The following ADARB2 variants were observed in gnomAD, a reference collection of about 807,000 sequenced individuals.
ADARB2 encodes adenosine deaminase RNA specific B2 (inactive), also known as inactive double-stranded RNA-specific editase B2.
Under a neutral mutation model 62.2 loss-of-function variants are expected in ADARB2, and 25 were observed. That is an observed-to-expected ratio of 0.40 (90% CI 0.29 to 0.56). The LOEUF is 0.56. ADARB2 is among the 20% of genes least tolerant of loss of function. The pLI is 0.43. For missense variants in ADARB2, 1,071 were observed against 1,077.4 expected, an observed-to-expected ratio of 0.99 and a Z score of 0.08; for synonymous variants, 572 against 500.8, an observed-to-expected ratio of 1.14 and a Z score of -1.90.
In ADARB2 at chr10:1,687,028, C is replaced by A. The variant is rs1340424460; in HGVS notation, c.100+50023G>T. 1.7e-4 allele frequency among the ~76,000 whole-genome samples: 22 copies of A among 129,228 alleles called. No individual in the cohort carries two copies. In the Admixed American group the frequency reaches 1.7e-3, roughly 10 times the overall value. 84.8% of individuals were successfully genotyped at this position (129,228 alleles called of 152,430 possible). A position where few individuals can be genotyped will look rare whatever the true frequency, so the allele number is the denominator to read the frequency against. On this transcript the variant is annotated intron_variant, in intron 1 of 9. Transcript: ENST00000381312. ...TTGCCTCCCATGGGTCATGACATTG[C>A]CTTTTTTTTTTTTTTTTTTGACAAG...
intron 1 of ADARB2, among the ~76,000 whole-genome samples, chr10:1,387,128 C>A (rs548054668): frequency 2.0e-5 from 3 of 151,916 alleles, no homozygotes; most frequent in African/African-American, 7.2e-5. Flanking sequence ...TGCTGAGAGA[C>A]ATATTTTAGC....
chr10:1,655,685 A>G (rs1345917468), intron 1 of ADARB2, among the ~76,000 whole-genome samples: 1 of 152,092 alleles, frequency 6.6e-6, no homozygotes, highest in South Asian at 2.1e-4. Flanking sequence ...AAAAAAAAAG[A>G]AAACTGGAAA....
At chr10:1,710,780 T>G (rs1834940908) in intron 1 of ADARB2, among the ~76,000 whole-genome samples, 1 of 152,168 alleles carries the variant, frequency 6.6e-6, no homozygotes, top group Non-Finnish European at 1.5e-5. Flanking sequence ...TACCTTCAGC[T>G]TCGTCTTTAC....
At position 1,195,699 on chromosome 10, in the gene ADARB2, G is replaced by C. The variant is rs569876408; in HGVS notation, c.1864+4267C>G. On this transcript the variant is annotated intron_variant, in intron 8 of 9. Transcript: ENST00000381312. Reference sequence around the variant, plus strand: ...AGGCTGATCCTGGTTCAGAAGAAGAGGGATGGTGCTCTTAGCCCGAGGCTT... The same window carrying C: ...AGGCTGATCCTGGTTCAGAAGAAGACGGATGGTGCTCTTAGCCCGAGGCTT... 1.4e-4 allele frequency among the ~76,000 whole-genome samples: 21 copies of C among 152,234 alleles called. 1 individual carries two copies. In the South Asian group the frequency reaches 4.4e-3, roughly 32 times the overall value.
chr10:1,287,829 G>A (rs1317680765), intron 3 of ADARB2, among the ~76,000 whole-genome samples: 2 of 152,212 alleles, frequency 1.3e-5, no homozygotes, highest in East Asian at 3.8e-4. Context: ...GAGTTATGCC[G>A]TCGGCTGTGT....
At chr10:1,256,912 C>T (rs1343970741) in intron 4 of ADARB2, among the ~76,000 whole-genome samples, 3 of 152,154 alleles carry the variant, frequency 2.0e-5, no homozygotes, top group Non-Finnish European at 2.9e-5. Context: ...CTTCTCCTAC[C>T]GAGGATGGCT....
intron 1 of ADARB2, among the ~76,000 whole-genome samples, chr10:1,476,319 C>T (rs1023518507): frequency 1.3e-5 from 2 of 152,180 alleles, no homozygotes; most frequent in African/African-American, 2.4e-5. Context: ...CTGCAGGTCT[C>T]TGGCAAGGGC....
chr10:1,691,188 A>T (rs1487258702), intron 1 of ADARB2, among the ~76,000 whole-genome samples: 5 of 152,104 alleles, frequency 3.3e-5, no homozygotes, highest in African/African-American at 1.2e-4. Flanking sequence ...AGAAGAGGAG[A>T]TTGGGGCACA....
At chr10:1,310,140 T>C (rs900716538) in intron 3 of ADARB2, among the ~76,000 whole-genome samples, 1 of 152,214 alleles carries the variant, frequency 6.6e-6, no homozygotes, top group African/African-American at 2.4e-5. Context: ...TCATCAGATG[T>C]TGAATGGGGC....
intron 3 of ADARB2, among the ~76,000 whole-genome samples, chr10:1,308,408 G>A (rs1831652316): frequency 6.6e-6 from 1 of 152,318 alleles, no homozygotes; most frequent in East Asian, 1.9e-4. Context: ...TTACTGAAGG[G>A]CGTTTTCGTT....
At chr10:1,387,541 C>G (rs999552938) in intron 1 of ADARB2, among the ~76,000 whole-genome samples, 3 of 151,924 alleles carry the variant, frequency 2.0e-5, no homozygotes, top group African/African-American at 7.2e-5. Context: ...CAAAAACTGT[C>G]AAAGTTCACT....
intron 1 of ADARB2, among the ~76,000 whole-genome samples, chr10:1,395,726 C>T (rs1832607043): frequency 6.6e-6 from 1 of 152,158 alleles, no homozygotes; most frequent in South Asian, 2.1e-4. Flanking sequence ...TGGGCAGCTG[C>T]GGGAATCCAA....
At chr10:1,620,707 A>C (rs1833694588) in intron 1 of ADARB2, among the ~76,000 whole-genome samples, 1 of 152,258 alleles carries the variant, frequency 6.6e-6, no homozygotes, top group South Asian at 2.1e-4. Context: ...TGGATGTGAA[A>C]CTATTAACAC....
At chr10:1,470,351 G>A (rs5024862) in intron 1 of ADARB2, among the ~76,000 whole-genome samples, 53,767 of 152,114 alleles carry the variant, frequency 0.35, 10,300 homozygotes, top group South Asian at 0.5. Flanking sequence ...CCATATCCAC[G>A]CACAGCATAT....
intron 3 of ADARB2, among the ~76,000 whole-genome samples, chr10:1,317,799 C>G (rs1831753938): frequency 6.6e-6 from 1 of 151,858 alleles, no homozygotes; most frequent in African/African-American, 2.4e-5. Context: ...TGTGGGCCGG[C>G]CACGCCCCTC....
At chr10:1,510,114 T>TTCTC (rs763583273) in intron 1 of ADARB2, among the ~76,000 whole-genome samples, 4,089 of 59,044 alleles carry the variant, frequency 0.069, 72 homozygotes, top group Middle Eastern at 0.096. Flanking sequence ...CTTTCTCTCT[T>TTCTC]TCTTTCTTTC....
At position 1,622,717 on chromosome 10, in the gene ADARB2, G is replaced by A. The variant is rs149749574; in HGVS notation, c.100+114334C>T. On this transcript the variant is annotated intron_variant, in intron 1 of 9. Transcript: ENST00000381312. ...TATGAAAAGAGGCGATTCCTCATGC[G>A]TGGCTGCTCAGCATTTAGAATGCAA... is the stretch of plus-strand genomic sequence containing the variant. Among the ~76,000 whole-genome samples the A allele has an allele frequency of 8.4e-4, 128 of 152,320 alleles. 1 individual carries two copies. In the East Asian group the frequency reaches 0.017, roughly 20 times the overall value.
chr10:1,534,387 C>T (rs1328278664), intron 1 of ADARB2, among the ~76,000 whole-genome samples: 1 of 152,224 alleles, frequency 6.6e-6, no homozygotes, highest in Non-Finnish European at 1.5e-5. Context: ...ATCCACCCAA[C>T]TTAGCCTCCC....
chr10:1,277,392 A>G (rs1341881518), intron 3 of ADARB2, among the ~76,000 whole-genome samples: 1 of 152,220 alleles, frequency 6.6e-6, no homozygotes, highest in Non-Finnish European at 1.5e-5. Flanking sequence ...GAAGAATCAA[A>G]TAGATGCAAT....
Sources: allele counts gnomAD v4.1 joint callset (sites outside exome capture counted in the v4.1 genomes callset), GRCh38; gene constraint gnomAD v4.1.1; transcripts MANE v1.5; gene names NCBI Gene and HGNC (gene_info 2026-07-23, HGNC 2026-07-21).